The following CPXM2 variants were observed in gnomAD, a reference collection of about 807,000 sequenced individuals.
CPXM2 encodes inactive carboxypeptidase-like protein X2.
Under a neutral mutation model 86.1 loss-of-function variants are expected in CPXM2, and 66 were observed. The ratio of observed to expected loss-of-function variants is 0.77; its 90% CI spans 0.63 to 0.94. The LOEUF is 0.94. Among genes scored for constraint, CPXM2 ranks in the 40% least tolerant of loss-of-function variants. The pLI, the probability that CPXM2 is intolerant of heterozygous loss-of-function variation, is 0.00. For missense variants in CPXM2, 948 were observed against 1,026.3 expected (o/e 0.92, Z 1.04); for synonymous variants, 388 against 400.2 (o/e 0.97, Z 0.36).
intron 3 of CPXM2, among the ~76,000 whole-genome samples, chr10:123,861,579 C>T (rs1033798100): frequency 2.0e-5 from 3 of 152,108 alleles, no homozygotes; most frequent in Middle Eastern, 3.4e-3. Flanking sequence ...CAGGTGGGCC[C>T]GGTGTAATCT....
intron 4 of CPXM2, among the ~76,000 whole-genome samples, chr10:123,820,417 G>T (rs550929693): frequency 9.9e-5 from 15 of 152,204 alleles, no homozygotes; most frequent in African/African-American, 3.6e-4. Flanking sequence ...CTCCATTCCT[G>T]CCCCTAAACT....
chr10:123,754,904 G>T lies in CPXM2; in HGVS notation c.1918-142C>A, dbSNP rs1352941913. On this transcript the variant is annotated intron_variant, in intron 12 of 13. Transcript: ENST00000241305. This position sits in a 1 kb window ranked among gnomAD's most constrained non-coding sequence, Gnocchi z 4.0. ...CACCACGTCTTGCTCAGAAGGCTTG[G>T]AACCGAAAAGCAGTTCATTGCTCAC... The T allele has an allele frequency of 3.1e-6, 2 of 642,682 alleles. No individual in the cohort carries two copies. The highest frequency in any genetic ancestry group is 5.6e-6 in the Non-Finnish European group (2 of 354,412). The allele number at this position is 642,682 out of a possible 1,614,324, so 39.8% of individuals were successfully genotyped here.
rs569154738 is a variant in CPXM2 at position 123,865,438 on chromosome 10, G to C, written c.404-2715C>G. ...TTAGACAGGAAGGGAAATCCCTAGA[G>C]AAATGAGAGGGATGGCAGAAAGTGA... On this transcript the variant is annotated intron_variant, in intron 2 of 13. Coordinates refer to ENST00000241305, the MANE Select transcript of CPXM2 (RefSeq NM_198148.3). The surrounding 1 kb of genome is among the most constrained non-coding windows in gnomAD (Gnocchi z 4.7). 1.3e-5 allele frequency among the ~76,000 whole-genome samples: 2 copies of C among 152,284 alleles called. No homozygotes were observed. Among genetic ancestry groups the C allele is most frequent in the South Asian group, 2.1e-4 (1 of 4,818 alleles).
In CPXM2 at chr10:123,841,722, T is replaced by C. The variant is rs146361249; in HGVS notation, c.653+627A>G. Among the ~76,000 whole-genome samples, 43 of 152,372 alleles carry C rather than the reference T, an allele frequency of 2.8e-4. No homozygotes were observed. In the East Asian group the frequency reaches 7.5e-3, roughly 27 times the overall value. ...AGGCTGAATAATATGTTTCACTGTA[T>C]GCATATGTCATAAGACGGAGGGTTT... is the stretch of plus-strand genomic sequence containing the variant. On this transcript the variant is annotated intron_variant, in intron 4 of 13. Coordinates refer to ENST00000241305, the MANE Select transcript of CPXM2 (RefSeq NM_198148.3).
intron 2 of CPXM2, among the ~76,000 whole-genome samples, chr10:123,912,717 A>G (rs1375784545): frequency 6.6e-6 from 1 of 152,174 alleles, no homozygotes; most frequent in Admixed American, 6.5e-5. Flanking sequence ...AGCTTTTTTC[A>G]TCCCGGGCTC....
upstream of CPXM2, among the ~76,000 whole-genome samples, chr10:123,941,398 T>C (rs1945775673): frequency 6.6e-6 from 1 of 152,180 alleles, no homozygotes; most frequent in African/African-American, 2.4e-5. Flanking sequence ...TGTTGTCACG[T>C]GGCCTCCGCC....
At chr10:123,873,856 CTTTTT>C (rs56223052) in intron 2 of CPXM2, among the ~76,000 whole-genome samples, 5 of 105,286 alleles carry the variant, frequency 4.7e-5, no homozygotes, top group African/African-American at 1.6e-4. Context: ...TCTCACATTT[CTTTTT>C]TTTTTTTTTT....
chr10:123,788,279 C>CA (rs55818352), intron 6 of CPXM2, among the ~76,000 whole-genome samples: 183 of 124,208 alleles, frequency 1.5e-3, no homozygotes, highest in African/African-American at 5.3e-3. Flanking sequence ...GACCCCATCT[C>CA]AAAAAAAAAA....
rs1564799002 is a variant in CPXM2, at chr10:123,854,386, A to AAATATATAATATATATAT, written c.513+8227_513+8228insATATATATATTATATATT. On this transcript the variant is annotated intron_variant, in intron 3 of 13. Coordinates refer to ENST00000241305, the MANE Select transcript of CPXM2 (RefSeq NM_198148.3). Reference sequence around the variant, plus strand: ...AATATATATATATAATATATATATAATATATATATTATATATATATTATAT... The same window carrying AAATATATAATATATATAT: ...AATATATATATATAATATATATATAAAATATATAATATATATATTATATATATTATATATATATTATAT... 1.8e-3 allele frequency among the ~76,000 whole-genome samples: 206 copies of AAATATATAATATATATAT among 117,444 alleles called. 1 individual carries two copies. Among genetic ancestry groups the AAATATATAATATATATAT allele is most frequent in the African/African-American group, 6.4e-3 (178 of 27,868 alleles). The allele number at this position is 117,444 out of a possible 152,430, so 77.0% of individuals were successfully genotyped here.
intron 2 of CPXM2, among the ~76,000 whole-genome samples, chr10:123,877,856 T>TA (rs1240896689): frequency 6.6e-6 from 1 of 152,214 alleles, no homozygotes; most frequent in Non-Finnish European, 1.5e-5. Context: ...CCTCAAAAGC[T>TA]AAAGTTCCAT....
intron 4 of CPXM2, among the ~76,000 whole-genome samples, chr10:123,811,881 T>C (rs1847702886): frequency 6.6e-6 from 1 of 152,162 alleles, no homozygotes; most frequent in Non-Finnish European, 1.5e-5. Flanking sequence ...TCTAAGGACA[T>C]CAGTGAAAGA....
intron 2 of CPXM2, among the ~76,000 whole-genome samples, chr10:123,902,560 T>G (rs973410259): frequency 1.2e-4 from 18 of 152,264 alleles, no homozygotes; most frequent in African/African-American, 4.1e-4. Flanking sequence ...AAGAGCAAGA[T>G]ACTGGCAGAT....
chr10:123,835,551 A>G (rs959133520), intron 4 of CPXM2, among the ~76,000 whole-genome samples: 2 of 152,248 alleles, frequency 1.3e-5, no homozygotes, highest in African/African-American at 4.8e-5. Flanking sequence ...ACTATGGTTC[A>G]GAAACTGACA....
At chr10:123,800,170 G>T (rs1365585770) in intron 4 of CPXM2, among the ~76,000 whole-genome samples, 2 of 151,622 alleles carry the variant, frequency 1.3e-5, no homozygotes, top group Admixed American at 1.3e-4. Context: ...CTGCCCAGTA[G>T]AGTTTATTTC....
At chr10:123,841,217 G>A (rs1848378812) in intron 4 of CPXM2, among the ~76,000 whole-genome samples, 2 of 152,088 alleles carry the variant, frequency 1.3e-5, no homozygotes, top group Admixed American at 6.5e-5. Flanking sequence ...AAGCCCCCAA[G>A]CTCTGCGTGA....
intron 4 of CPXM2, among the ~76,000 whole-genome samples, chr10:123,820,430 C>T (rs1170843685): frequency 6.6e-6 from 1 of 152,226 alleles, no homozygotes; most frequent in Non-Finnish European, 1.5e-5. Context: ...CCTAAACTCA[C>T]TGACACACAT....
Position 123,797,983 on chromosome 10 carries a change from T to A in CPXM2, c.882A>T (p.Pro294=). 6.3e-7 allele frequency: 1 copy of A among 1,599,678 alleles called. No individual in the cohort carries two copies. The highest frequency in any genetic ancestry group is 8.5e-7 in the Non-Finnish European group (1 of 1,173,100). The change falls in exon 6 of 14, where the codon CCA becomes CCT. Residue 294 remains proline, a synonymous_variant. Transcript: ENST00000241305. ...ICMRMEILGC[P]LPDPNNYYHR... is the part of the protein sequence containing the mutation. ...ACAGGAGGGTGAACTCACCTGGCAG[T>A]GGGCAGCCCAGGATCTCCATTCTCA...
At chr10:123,920,600 TC>T (rs1945572142) in intron 2 of CPXM2, among the ~76,000 whole-genome samples, 1 of 152,346 alleles carries the variant, frequency 6.6e-6, no homozygotes, top group East Asian at 1.9e-4. Flanking sequence ...TGGTAAATTG[TC>T]CTTTTATTTT....
At position 123,794,549 on chromosome 10, in the gene CPXM2, T is replaced by C. The variant is rs1847282263; in HGVS notation, c.889+3427A>G. Among the ~76,000 whole-genome samples, 3 of 152,332 alleles carry C rather than the reference T, an allele frequency of 2.0e-5. No individual in the cohort carries two copies. In the South Asian group the frequency reaches 6.2e-4, roughly 32 times the overall value. ...GGCCATGACCATCTGGCCAGTCAGC[T>C]GGCACAGTTCTTAACTCGCTTTTTT... On this transcript the variant is annotated intron_variant, in intron 6 of 13. Transcript: ENST00000241305.
Sources: allele counts gnomAD v4.1 joint callset (sites outside exome capture counted in the v4.1 genomes callset), GRCh38; gene constraint gnomAD v4.1.1; non-coding constraint Gnocchi (gnomAD v3.1); transcripts MANE v1.5; gene names NCBI Gene and HGNC (gene_info 2026-07-23, HGNC 2026-07-21).